NUP214: variants seen among roughly 807,000 people sequenced by gnomAD.
NUP214 encodes nucleoporin 214.
In NUP214, 79 loss-of-function variants were observed where a neutral mutation model predicts 196.2. The ratio of observed to expected loss-of-function variants is 0.40; its 90% CI spans 0.34 to 0.49. NUP214 has a LOEUF of 0.49. NUP214 is among the 20% of genes least tolerant of loss of function. The probability of loss-of-function intolerance (pLI) is 0.58; values close to 1 mark genes in which losing one functional copy is unlikely to be tolerated. For missense variants in NUP214, 2,468 were observed against 2,539.0 expected (o/e 0.97, Z 0.60); for synonymous variants, 1,020 against 990.5 (o/e 1.03, Z -0.56).
intron 11 of NUP214, among the ~76,000 whole-genome samples, chr9:131,142,486 C>T (rs940732675): frequency 6.6e-6 from 1 of 152,244 alleles, no homozygotes; most frequent in African/African-American, 2.4e-5. Flanking sequence ...AATGGTTCCA[C>T]CTGTTTCTAC....
chr9:131,148,076 C>A (rs1001091716), intron 14 of NUP214, among the ~76,000 whole-genome samples: 1 of 152,164 alleles, frequency 6.6e-6, no homozygotes, highest in Admixed American at 6.5e-5. Context: ...AGTCCCAGCT[C>A]CTGAGGAGGC....
intron 5 of NUP214, 97 bp downstream of exon 5, chr9:131,130,933 A>G: frequency 1.2e-6 from 1 of 864,620 alleles, no homozygotes; most frequent in East Asian, 2.6e-5. Context: ...ATTAAAAAGT[A>G]ATTTATACTC....
intron 30 of NUP214, among the ~76,000 whole-genome samples, chr9:131,207,336 C>G (rs1834114377): frequency 1.3e-5 from 2 of 152,228 alleles, no homozygotes. Flanking sequence ...TATCTGTGAT[C>G]TCAGCTGGAA....
At chr9:131,229,855 T>C in intron 33 of NUP214, 1 of 469,762 alleles carries the variant, frequency 2.1e-6, no homozygotes, top group African/African-American at 2.0e-5. Flanking sequence ...GGCAGAGTTT[T>C]AGATACTTTT....
In NUP214 at chr9:131,144,670, T is replaced by C. The variant is rs1457855970; in HGVS notation, c.1685T>C (p.Val562Ala). Residue 562 changes from valine (V) to alanine (A), a missense_variant, in exon 12 of 36, where the codon GTG (valine) becomes GCG (alanine). Physicochemically the swap from Val to Ala is moderately conservative, Grantham distance 64. Coordinates refer to ENST00000359428, the MANE Select transcript of NUP214 (RefSeq NM_005085.4). ...AAGCCTACCCTGGAAAGCACACCAG[T>C]GCCAAGTGTGTCTGCTCCAAATATA... ...GFKPTLESTPVPSVSAPNIAM... is the reference protein window; with the variant it reads ...GFKPTLESTPAPSVSAPNIAM... 6.2e-7 allele frequency: 1 copy of C among 1,614,206 alleles called. No homozygotes were observed. Among genetic ancestry groups the C allele is most frequent in the Non-Finnish European group, 8.5e-7 (1 of 1,180,014 alleles).
At chr9:131,206,148 C>CTTTTTTCTTTTTTTTTTTTTTTTTT (rs1301657384) in intron 30 of NUP214, among the ~76,000 whole-genome samples, 1 of 76,388 alleles carries the variant, frequency 1.3e-5, no homozygotes, top group African/African-American at 5.3e-5. Context: ...TTTCTTTTTT[C>CTTTTTTCTTTTTTTTTTTTTTTTTT]TTTTTTTTTT....
chr9:131,200,439 G>T (rs1339852616), intron 29 of NUP214, among the ~76,000 whole-genome samples: 1 of 152,230 alleles, frequency 6.6e-6, no homozygotes, highest in Non-Finnish European at 1.5e-5. Flanking sequence ...GCCGGGCGCG[G>T]TGGCTCACGC....
chr9:131,197,579 C>T lies in NUP214; in HGVS notation c.4085C>T (p.Pro1362Leu), dbSNP rs756672023. ...TCCACAAGCCTAACTAGTACCCAGC[C>T]AACCAAGACGTCAGGCGTGCCCTCA... ...ASSTSLTSTQ[P>L]TKTSGVPSGF... The change falls in exon 29 of 36, where the codon CCA becomes CTA. Residue 1362 changes from proline to leucine, a missense_variant. This residue lies in a region of NUP214 where 1,801 missense variants were observed against 1,779.4 expected (regional missense o/e 1.01). Coordinates refer to ENST00000359428, the MANE Select transcript of NUP214 (RefSeq NM_005085.4). 4 of 1,614,184 alleles carry T rather than the reference C, an allele frequency of 2.5e-6. No individual in the cohort carries two copies. The South Asian group carries it at 3.3e-5, about 13-fold the overall frequency.
chr9:131,172,461 G>T (rs565843304), intron 21 of NUP214, among the ~76,000 whole-genome samples: 1 of 152,126 alleles, frequency 6.6e-6, no homozygotes, highest in Non-Finnish European at 1.5e-5. Flanking sequence ...TTAGCCCTTT[G>T]TCAGATGAGT....
chr9:131,219,391 G>C (rs1564217441), intron 31 of NUP214, among the ~76,000 whole-genome samples: 2 of 152,168 alleles, frequency 1.3e-5, no homozygotes, highest in Admixed American at 1.3e-4. Context: ...TATTTGAGCA[G>C]TCCCCTTTGT....
chr9:131,170,860 C>T (rs542067379), intron 21 of NUP214, among the ~76,000 whole-genome samples: 2 of 152,038 alleles, frequency 1.3e-5, no homozygotes, highest in Non-Finnish European at 2.9e-5. Context: ...TCCAGTGCAG[C>T]GTAAAAGTGT....
chr9:131,161,918 C>G (rs533868193), intron 18 of NUP214, among the ~76,000 whole-genome samples: 12 of 152,220 alleles, frequency 7.9e-5, no homozygotes, highest in Non-Finnish European at 1.5e-4. Context: ...GCTTGTCCAA[C>G]CCACGGCCTG....
At chr9:131,214,521 TGAA>T (rs1355532369) in intron 30 of NUP214, among the ~76,000 whole-genome samples, 1 of 152,162 alleles carries the variant, frequency 6.6e-6, no homozygotes, top group Non-Finnish European at 1.5e-5. Context: ...TTAACTAAGG[TGAA>T]TGGCCCCTCA....
Position 131,215,254 on chromosome 9 carries a change from A to G in NUP214, c.5635A>G (p.Thr1879Ala). The change falls in exon 31 of 36, where the codon ACT becomes GCT. Residue 1879 changes from threonine to alanine, a missense_variant. Physicochemically the swap from Thr to Ala is moderately conservative, Grantham distance 58. This residue lies in a region of NUP214 where 262 missense variants were observed against 296.5 expected (regional missense o/e 0.88). Transcript: ENST00000359428. ...SSGSVFGSGN[T>A]GRGGGFFSGL... ...TGGTAGCGTGTTTGGGTCTGGAAAC[A>G]CTGGAAGAGGGGGAGGTTTCTTCAG... 6.2e-7 allele frequency: 1 copy of G among 1,601,298 alleles called. No individual in the cohort carries two copies. The highest frequency in any genetic ancestry group is 8.5e-7 in the Non-Finnish European group (1 of 1,174,224).
At chr9:131,142,113 T>A (rs1831935100) in intron 11 of NUP214, among the ~76,000 whole-genome samples, 1 of 152,170 alleles carries the variant, frequency 6.6e-6, no homozygotes, top group African/African-American at 2.4e-5. Flanking sequence ...TTATTCATAG[T>A]GTGTGTACTC....
chr9:131,198,974 C>T lies in NUP214; in HGVS notation c.5480C>T (p.Thr1827Ile). ...SVFGGTSAAT[T>I]TAATSGFSFC... ...TTTGGTGGTACCTCAGCTGCCACCA[C>T]AACAGCAGCAACCTCTGGGTTCAGC... Residue 1827 changes from threonine (T) to isoleucine (I), a missense_variant, in exon 29 of 36, where the codon ACA (threonine) becomes ATA (isoleucine). Physicochemically the swap from Thr to Ile is moderately conservative, Grantham distance 89. Transcript: ENST00000359428. The T allele has an allele frequency of 6.2e-7, 1 of 1,611,502 alleles. No individual in the cohort carries two copies. Among genetic ancestry groups the T allele is most frequent in the Non-Finnish European group, 8.5e-7 (1 of 1,178,070 alleles).
intron 19 of NUP214, 51 bp downstream of exon 19, chr9:131,163,224 A>G: frequency 1.3e-6 from 2 of 1,544,768 alleles, no homozygotes; most frequent in African/African-American, 1.4e-5. Context: ...ATGCATGAAC[A>G]TTTAGGGAGT....
chr9:131,125,936 C>A lies in NUP214; in HGVS notation c.45+187C>A. On this transcript the variant is annotated intron_variant, in intron 1 of 35. Coordinates refer to ENST00000359428, the MANE Select transcript of NUP214 (RefSeq NM_005085.4). The surrounding 1 kb of genome is among the most constrained non-coding windows in gnomAD (Gnocchi z 4.1). The stretch of plus-strand genomic sequence containing the variant: ...GCCCCACCGAATGCAGTTTCCCAGT[C>A]CCATCCTGGTCTCGTGCACGGCTGT... 1.4e-6 allele frequency: 1 copy of A among 689,796 alleles called. No individual in the cohort carries two copies. Among genetic ancestry groups the A allele is most frequent in the Non-Finnish European group, 2.5e-6 (1 of 406,646 alleles). 42.7% of individuals were successfully genotyped at this position (689,796 alleles called of 1,614,324 possible).
intron 33 of NUP214, chr9:131,229,614 T>C (rs750677695): frequency 8.9e-6 from 4 of 448,712 alleles, no homozygotes; most frequent in African/African-American, 8.3e-5. Flanking sequence ...AAAAGGTTAA[T>C]GCCAGGTCAG....
Sources: allele counts gnomAD v4.1 joint callset (sites outside exome capture counted in the v4.1 genomes callset), GRCh38; gene constraint gnomAD v4.1.1; regional missense constraint gnomAD v4.1.1; non-coding constraint Gnocchi (gnomAD v3.1); transcripts MANE v1.5; gene names NCBI Gene and HGNC (gene_info 2026-07-23, HGNC 2026-07-21).